Variants in ELP2 observed in about 807,000 individuals in gnomAD.
ELP2 encodes elongator acetyltransferase complex subunit 2.
ELP2 carries 90 observed loss-of-function variants against 119.2 expected under a neutral mutation model. The observed-to-expected ratio is 0.75, with a 90% CI of 0.64 to 0.90. The LOEUF is 0.90. Ranked by LOEUF, ELP2 falls within the 40% of genes least tolerant of loss-of-function variation. The pLI is 0.00. For missense variants in ELP2, 921 were observed against 967.8 expected, an observed-to-expected ratio of 0.95 and a Z score of 0.64; for synonymous variants, 339 against 331.0, an observed-to-expected ratio of 1.02 and a Z score of -0.26.
In ELP2 at chr18:36,170,079, A is replaced by C. The variant is rs376469209; in HGVS notation, c.2093A>C (p.Glu698Ala). ...SRDKKVVVWG[E>A]CDSTDDCIEH... The stretch of plus-strand genomic sequence containing the variant: ...CTGTATTAGGTGGTTGTCTGGGGTG[A>C]GTGCGACTCCACTGATGACTGTATT... Residue 698 changes from glutamate (E) to alanine (A), a missense_variant, in exon 20 of 22, where the codon GAG becomes GCG. Physicochemically the swap from Glu to Ala is moderately radical, Grantham distance 107 (BLOSUM62 -1). Transcript: ENST00000358232. The C allele has an allele frequency of 6.2e-7, 1 of 1,614,014 alleles. No homozygotes were observed. Among genetic ancestry groups the C allele is most frequent in the Non-Finnish European group, 8.5e-7 (1 of 1,180,036 alleles).
At chr18:36,140,872 C>G (rs1284165608) in intron 5 of ELP2, among the ~76,000 whole-genome samples, 1 of 152,120 alleles carries the variant, frequency 6.6e-6, no homozygotes, top group Non-Finnish European at 1.5e-5. Context: ...TTTTTCACTT[C>G]TATCATAAAT....
chr18:36,147,867 A>G (rs2090261091), intron 11 of ELP2, among the ~76,000 whole-genome samples: 1 of 152,016 alleles, frequency 6.6e-6, no homozygotes, highest in African/African-American at 2.4e-5. Flanking sequence ...TTTTTTTTAT[A>G]AAGTATATTG....
At chr18:36,143,006 GTC>G in intron 8 of ELP2, 40 bp downstream of exon 8, 1 of 1,472,976 alleles carries the variant, frequency 6.8e-7, no homozygotes, top group African/African-American at 1.4e-5. Context: ...CGATACTTAG[GTC>G]TCCTAGTTGG....
chr18:36,159,612 A>G (rs890470038), intron 14 of ELP2, 123 bp from the exon 15 acceptor site: 16 of 771,346 alleles, frequency 2.1e-5, no homozygotes, highest in Non-Finnish European at 3.7e-5. Context: ...AATCACATGG[A>G]CACAGCTGTG....
Position 36,141,120 on chromosome 18 carries a change from G to GT in ELP2, c.524-11dup, listed in dbSNP as rs758617243. On this transcript the variant is annotated splice_polypyrimidine_tract_variant and intron_variant, in intron 5 of 21. Transcript: ENST00000358232. The stretch of plus-strand genomic sequence containing the variant: ...GAATAGAGAACTCACAGTGAAGCCT[G>GT]TTTTTTCTTCCCCCAGTACCAATAT... 2 of 1,611,200 alleles carry GT rather than the reference G, an allele frequency of 1.2e-6. No individual in the cohort carries two copies.
intron 11 of ELP2, among the ~76,000 whole-genome samples, chr18:36,147,515 A>G (rs145546595): frequency 0.011 from 1,670 of 152,050 alleles, 31 homozygotes; most frequent in African/African-American, 0.039. Flanking sequence ...TCCGGGTTCA[A>G]GTGATTCTTC....
rs767368314 is a variant in ELP2, at chr18:36,156,437, A to G, written c.1276-29A>G. On this transcript the variant is annotated intron_variant, in intron 12 of 21. Transcript: ENST00000358232. Reference sequence around the variant, plus strand: ...TTATTGAAAATTCAGCTTTTGAATGATCATTTTTGTTTATCCCGTTTTACC... The same window carrying G: ...TTATTGAAAATTCAGCTTTTGAATGGTCATTTTTGTTTATCCCGTTTTACC... 2.5e-6 allele frequency: 4 copies of G among 1,609,634 alleles called. No individual in the cohort carries two copies. The African/African-American group carries it at 4.0e-5, about 16-fold the overall frequency.
At chr18:36,167,914 C>T (rs922115619) in intron 19 of ELP2, among the ~76,000 whole-genome samples, 2 of 152,130 alleles carry the variant, frequency 1.3e-5, no homozygotes, top group African/African-American at 2.4e-5. Context: ...TGGGCGCAAG[C>T]AGTCCTCCCA....
chr18:36,146,511 T>C, intron 11 of ELP2, 130 bp downstream of exon 11: 1 of 967,600 alleles, frequency 1.0e-6, no homozygotes, highest in Non-Finnish European at 1.6e-6. Context: ...ATAACTTTTT[T>C]CTGTAGACAT....
Position 36,166,975 on chromosome 18 carries a change from CAA to C in ELP2, c.1955-123_1955-122del, listed in dbSNP as rs936243575. The C allele has an allele frequency of 2.4e-4, 243 of 1,025,972 alleles. No individual in the cohort carries two copies. The African/African-American group carries it at 3.3e-3, about 14-fold the overall frequency. 63.6% of individuals were successfully genotyped at this position (1,025,972 alleles called of 1,614,324 possible). A position where few individuals can be genotyped will look rare whatever the true frequency, so the allele number is the denominator to read the frequency against. On this transcript the variant is annotated intron_variant, in intron 18 of 21. Transcript: ENST00000358232. The stretch of plus-strand genomic sequence containing the variant: ...TTGGTTGCCTGGCTTCAGTCTATTT[CAA>C]AAGTCAGTGCATATAAATTGAATAT...
Position 36,130,010 on chromosome 18 carries a change from C to G in ELP2, c.77C>G (p.Ser26Cys), listed in dbSNP as rs765768758. ...NRVRGVLNWS[S>C]GPRGLLAFGT... is the part of the protein sequence containing the mutation. ...GTGCGGGGAGTCCTGAACTGGAGCT[C>G]TGGGCCCAGAGGACTTCTGGCCTTT... is the stretch of plus-strand genomic sequence containing the variant. The change falls in exon 1 of 22, where the codon TCT (serine) becomes TGT (cysteine). Residue 26 changes from serine to cysteine, a missense_variant. Transcript: ENST00000358232. The G allele has an allele frequency of 3.7e-6, 6 of 1,614,194 alleles. No individual in the cohort carries two copies. In the South Asian group the frequency reaches 6.6e-5, roughly 18 times the overall value.
intron 11 of ELP2, among the ~76,000 whole-genome samples, chr18:36,151,640 C>G (rs1197024277): frequency 6.6e-6 from 1 of 151,634 alleles, no homozygotes; most frequent in East Asian, 2.0e-4. Context: ...AAAACCCCAT[C>G]TCTACAAAAA....
intron 11 of ELP2, among the ~76,000 whole-genome samples, chr18:36,151,381 C>T (rs953715300): frequency 1.3e-5 from 2 of 152,146 alleles, no homozygotes; most frequent in African/African-American, 4.8e-5. Flanking sequence ...CCCTGACCTG[C>T]CCTGCCTTCC....
intron 11 of ELP2, among the ~76,000 whole-genome samples, chr18:36,154,066 C>CTTTT (rs71166099): frequency 8.6e-6 from 1 of 115,864 alleles, no homozygotes; most frequent in African/African-American, 3.2e-5. Context: ...TTGTCACAGG[C>CTTTT]TTTTTTTTTT....
intron 21 of ELP2, among the ~76,000 whole-genome samples, chr18:36,173,390 C>G (rs2091140136): frequency 1.3e-5 from 2 of 152,180 alleles, no homozygotes; most frequent in African/African-American, 4.8e-5. Flanking sequence ...TTAAAGCTTG[C>G]CATTTATATC....
Position 36,146,240 on chromosome 18 carries a change from T to G in ELP2, c.994-10T>G. The G allele has an allele frequency of 6.2e-7, 1 of 1,614,112 alleles. No individual in the cohort carries two copies. Among genetic ancestry groups the G allele is most frequent in the Non-Finnish European group, 8.5e-7 (1 of 1,179,958 alleles). On this transcript the variant is annotated splice_polypyrimidine_tract_variant and intron_variant, in intron 10 of 21. Coordinates refer to ENST00000358232, the MANE Select transcript of ELP2 (RefSeq NM_018255.4). Reference sequence around the variant, plus strand: ...TGATTAAGAATTGTTTTCTGTCTGTTATTGTACAGGTTCGAGTAGGTGAAG... The same window carrying G: ...TGATTAAGAATTGTTTTCTGTCTGTGATTGTACAGGTTCGAGTAGGTGAAG...
intron 11 of ELP2, among the ~76,000 whole-genome samples, chr18:36,150,164 C>G (rs2090351699): frequency 6.6e-6 from 1 of 152,180 alleles, no homozygotes; most frequent in African/African-American, 2.4e-5. Flanking sequence ...AGAGTCTGCC[C>G]TGTAGCCATC....
chr18:36,143,980 A>G (rs1293546531), intron 8 of ELP2, among the ~76,000 whole-genome samples: 3 of 152,214 alleles, frequency 2.0e-5, no homozygotes, highest in Non-Finnish European at 4.4e-5. Context: ...CCTATTGTCT[A>G]GCCTTAGAAC....
chr18:36,138,580 A>G, intron 4 of ELP2, 154 bp downstream of exon 4: 2 of 986,390 alleles, frequency 2.0e-6, no homozygotes, highest in Admixed American at 2.5e-5. Context: ...CTTATTTAAA[A>G]TTCTCTATAC....
Sources: gnomAD v4.1 joint callset for allele counts (sites outside exome capture counted in the v4.1 genomes callset) on GRCh38, gnomAD v4.1.1 for gene constraint, MANE v1.5 for transcripts, NCBI Gene and HGNC (gene_info 2026-07-23, HGNC 2026-07-21) for gene names.